The following ACBD6 variants were observed in gnomAD, a reference collection of about 807,000 sequenced individuals.
ACBD6 encodes the protein acyl-CoA binding domain containing 6, also known as acyl-CoA-binding domain-containing protein 6.
Under a neutral mutation model 37.2 loss-of-function variants are expected in ACBD6, and 28 were observed. The ratio of observed to expected loss-of-function variants is 0.75; its 90% CI spans 0.56 to 1.03. The LOEUF is 1.03. Among genes scored for constraint, ACBD6 ranks in the 50% least tolerant of loss-of-function variants. ACBD6 has a pLI of 0.00. For missense variants in ACBD6, 340 were observed against 337.4 expected (o/e 1.01, Z -0.06); for synonymous variants, 113 against 126.8 (o/e 0.89, Z 0.73).
chr1:180,288,395 C>A lies in ACBD6; in HGVS notation c.817G>T (p.Val273Leu). The A allele has an allele frequency of 6.2e-7, 1 of 1,613,800 alleles. No individual in the cohort carries two copies. Among genetic ancestry groups the A allele is most frequent in the Non-Finnish European group, 8.5e-7 (1 of 1,180,000 alleles). ...EVTGCKTVSL[V>L]LQRHTTGKA ...TTGCCAGTTGTGTGCCGCTGCAGCA[C>A]CAAAGAAACTGTTTTGCAGCCTGTC... The change falls in exon 8 of 8, where the codon GTG becomes TTG. Residue 273 changes from valine to leucine, a missense_variant. Val to Leu is a conservative substitution (Grantham distance 32). Coordinates refer to ENST00000367595, the MANE Select transcript of ACBD6 (RefSeq NM_032360.4).
intron 3 of ACBD6, among the ~76,000 whole-genome samples, chr1:180,441,471 C>T (rs560198202): frequency 2.0e-4 from 30 of 152,274 alleles, no homozygotes; most frequent in African/African-American, 7.0e-4. Flanking sequence ...ACTTGGACAG[C>T]GCTGCCATCT....
intron 3 of ACBD6, among the ~76,000 whole-genome samples, chr1:180,469,263 G>C (rs1026843496): frequency 1.3e-5 from 2 of 151,840 alleles, no homozygotes; most frequent in Non-Finnish European, 2.9e-5. Context: ...TTTCATCTTT[G>C]CCATACTCCA....
intron 4 of ACBD6, among the ~76,000 whole-genome samples, chr1:180,421,946 C>G (rs1207624558): frequency 6.6e-6 from 1 of 152,102 alleles, no homozygotes. Flanking sequence ...AAAGTCAAAC[C>G]TCTTTCTAAA....
At chr1:180,431,415 C>CA (rs1648808883) in intron 3 of ACBD6, among the ~76,000 whole-genome samples, 1 of 151,996 alleles carries the variant, frequency 6.6e-6, no homozygotes, top group Non-Finnish European at 1.5e-5. Flanking sequence ...ATGATGCTAG[C>CA]AAACAAGAAG....
exon 14 of ACBD6, chr1:180,271,081 T>A (rs565016241): frequency 1.9e-4 from 87 of 465,970 alleles, no homozygotes; most frequent in African/African-American, 1.6e-3. Flanking sequence ...CGTGTGGAAT[T>A]GGGTACATTC....
chr1:180,296,817 C>G (rs941304978), intron 7 of ACBD6, among the ~76,000 whole-genome samples: 2 of 152,034 alleles, frequency 1.3e-5, no homozygotes, highest in South Asian at 4.1e-4. Context: ...GAAAACAATG[C>G]CTGTCTTCAA....
intron 4 of ACBD6, among the ~76,000 whole-genome samples, chr1:180,428,331 G>T (rs1406618820): frequency 2.7e-5 from 4 of 150,388 alleles, no homozygotes; most frequent in African/African-American, 1.0e-4. Flanking sequence ...AAGTGAAGAA[G>T]TTGAGAAGCA....
At position 180,452,571 on chromosome 1, in the gene ACBD6, A is replaced by C. The variant is rs538407645; in HGVS notation, c.385-22309T>G. 3.3e-5 allele frequency among the ~76,000 whole-genome samples: 5 copies of C among 152,162 alleles called. No individual in the cohort carries two copies. The East Asian group carries it at 7.7e-4, about 23-fold the overall frequency. On this transcript the variant is annotated intron_variant, in intron 3 of 7. Transcript: ENST00000367595. ...GAAGACAAGAAATAACTAAGATCAG[A>C]GCAGAACTGAAGGAGATAGAGACAT...
intron 3 of ACBD6, among the ~76,000 whole-genome samples, chr1:180,466,874 A>G (rs1399183501): frequency 1.3e-5 from 2 of 152,290 alleles, no homozygotes; most frequent in South Asian, 4.1e-4. Flanking sequence ...GATAATACAT[A>G]TAAAGCATTT....
At chr1:180,387,479 C>G (rs543769295) in intron 6 of ACBD6, among the ~76,000 whole-genome samples, 1 of 152,212 alleles carries the variant, frequency 6.6e-6, no homozygotes. Flanking sequence ...TACCTCTGGG[C>G]AGGAGATGAA....
chr1:180,274,121 T>C, intron 10 of ACBD6: 2 of 1,598,720 alleles, frequency 1.3e-6, no homozygotes, highest in Non-Finnish European at 1.7e-6. Flanking sequence ...TCCTAGGTTG[T>C]GAAGAGCAGG....
At position 180,318,167 on chromosome 1, in the gene ACBD6, C is replaced by A. The variant is rs1352840808; in HGVS notation, c.664-3445G>T. ...ACAGAGTAAGATTCCATCTCCGCCC[C>A]CCCCCCCCAAAAAAAAAAGAAAGAA... On this transcript the variant is annotated intron_variant, in intron 6 of 7. Coordinates refer to ENST00000367595, the MANE Select transcript of ACBD6 (RefSeq NM_032360.4). 2.6e-4 allele frequency among the ~76,000 whole-genome samples: 21 copies of A among 80,284 alleles called. 1 individual carries two copies. The highest frequency in any genetic ancestry group is 4.1e-4 in the Admixed American group (4 of 9,664). 52.7% of individuals were successfully genotyped at this position (80,284 alleles called of 152,430 possible). A position where few individuals can be genotyped will look rare whatever the true frequency, so the allele number is the denominator to read the frequency against.
intron 3 of ACBD6, among the ~76,000 whole-genome samples, chr1:180,430,709 A>AG (rs1648779603): frequency 6.6e-6 from 1 of 150,966 alleles, no homozygotes; most frequent in Non-Finnish European, 1.5e-5. Context: ...TTGGGTTAAA[A>AG]AAAAAAAAAA....
intron 3 of ACBD6, among the ~76,000 whole-genome samples, chr1:180,486,647 A>T (rs1651274721): frequency 6.6e-6 from 1 of 152,244 alleles, no homozygotes; most frequent in Admixed American, 6.5e-5. Context: ...TATTAAAACT[A>T]GTGGGTGAAA....
chr1:180,336,033 A>G (rs1651703473), intron 6 of ACBD6, among the ~76,000 whole-genome samples: 1 of 151,790 alleles, frequency 6.6e-6, no homozygotes, highest in African/African-American at 2.4e-5. Context: ...AGACCTAGAA[A>G]GAGACTTAGA....
In ACBD6 at chr1:180,331,472, A is replaced by C. The variant is rs375102959; in HGVS notation, c.664-16750T>G. Among the ~76,000 whole-genome samples the C allele has an allele frequency of 3.3e-5, 5 of 152,320 alleles. No homozygotes were observed. The East Asian group carries it at 7.7e-4, about 23-fold the overall frequency. On this transcript the variant is annotated intron_variant, in intron 6 of 7. Transcript: ENST00000367595. ...TCCATATCGAAGTTTAATTTGAAAT[A>C]CTTTGGGGATATCATAGGACTTTGC...
intron 6 of ACBD6, among the ~76,000 whole-genome samples, chr1:180,337,244 A>C (rs1157014282): frequency 6.6e-6 from 1 of 152,210 alleles, no homozygotes; most frequent in Non-Finnish European, 1.5e-5. Context: ...CATCGATGCA[A>C]AAATCCTCAA....
intron 5 of ACBD6, among the ~76,000 whole-genome samples, chr1:180,407,282 T>C (rs977832055): frequency 2.6e-5 from 4 of 152,210 alleles, no homozygotes; most frequent in African/African-American, 9.6e-5. Context: ...GTTCATGAAA[T>C]ACAACGTTCT....
intron 3 of ACBD6, among the ~76,000 whole-genome samples, chr1:180,446,129 A>C (rs1477280160): frequency 6.6e-6 from 1 of 151,568 alleles, no homozygotes; most frequent in Non-Finnish European, 1.5e-5. Context: ...CAGCCTCCCA[A>C]GTAGCTGGGA....
Sources: gnomAD v4.1 joint callset for allele counts (sites outside exome capture counted in the v4.1 genomes callset) on GRCh38, gnomAD v4.1.1 for gene constraint, MANE v1.5 for transcripts, NCBI Gene and HGNC (gene_info 2026-07-23, HGNC 2026-07-21) for gene names.